The following RASEF variants were observed in gnomAD, a reference collection of about 807,000 sequenced individuals.
RASEF encodes the protein RAS and EF-hand domain containing, also known as ras and EF-hand domain-containing protein.
In RASEF, 68 loss-of-function variants were observed where a neutral mutation model predicts 90.1. That is an observed-to-expected ratio of 0.75 (90% CI 0.62 to 0.92). RASEF has a LOEUF of 0.92. Among genes scored for constraint, RASEF ranks in the 40% least tolerant of loss-of-function variants. The pLI, the probability that RASEF is intolerant of heterozygous loss-of-function variation, is 0.00. For missense variants in RASEF, 949 were observed against 937.2 expected, an observed-to-expected ratio of 1.01 and a Z score of -0.16; for synonymous variants, 331 against 345.2, an observed-to-expected ratio of 0.96 and a Z score of 0.46.
At chr9:83,018,189 G>T (rs1829377909) in intron 3 of RASEF, among the ~76,000 whole-genome samples, 1 of 148,762 alleles carries the variant, frequency 6.7e-6, no homozygotes, top group Non-Finnish European at 1.5e-5. Context: ...AAAATAAAAT[G>T]TTTTTATTAA....
intron 6 of RASEF, among the ~76,000 whole-genome samples, chr9:83,008,544 C>G (rs1368656796): frequency 6.6e-6 from 1 of 151,956 alleles, no homozygotes; most frequent in Admixed American, 6.6e-5. Context: ...CCCTGTCTCA[C>G]CAGATGTTCT....
intron 1 of RASEF, among the ~76,000 whole-genome samples, chr9:83,034,136 C>T (rs942358012): frequency 6.6e-6 from 1 of 152,210 alleles, no homozygotes; most frequent in African/African-American, 2.4e-5. Context: ...GTCTTGCTTT[C>T]TAGACAGGAT....
the RASEF span, among the ~76,000 whole-genome samples, chr9:83,115,394 A>G: frequency 6.6e-6 from 1 of 152,238 alleles, no homozygotes; most frequent in African/African-American, 2.4e-5. Flanking sequence ...AAAACCAAGT[A>G]ATCAAAGATA....
chr9:83,056,318 C>G (rs1435765868), intron 1 of RASEF, among the ~76,000 whole-genome samples: 1 of 152,208 alleles, frequency 6.6e-6, no homozygotes, highest in African/African-American at 2.4e-5. Context: ...CAAGTGTTTA[C>G]TTTCCATTTT....
chr9:83,164,162 A>G, the RASEF span, among the ~76,000 whole-genome samples: 3 of 151,338 alleles, frequency 2.0e-5, no homozygotes, highest in Admixed American at 2.0e-4. Flanking sequence ...AATAGAGAGA[A>G]GGAAAATTGT....
At chr9:83,024,230 G>A (rs2118568638) in intron 2 of RASEF, among the ~76,000 whole-genome samples, 1 of 152,328 alleles carries the variant, frequency 6.6e-6, no homozygotes, top group South Asian at 2.1e-4. Flanking sequence ...GCACAGAAGG[G>A]AGTGGATGGG....
At chr9:83,002,455 G>A (rs1829058382) in intron 9 of RASEF, among the ~76,000 whole-genome samples, 1 of 151,574 alleles carries the variant, frequency 6.6e-6, no homozygotes, top group East Asian at 1.9e-4. Context: ...GTGTGCGTGT[G>A]TGTGTTAATA....
At chr9:83,213,024 T>G in the RASEF span, among the ~76,000 whole-genome samples, 1 of 151,696 alleles carries the variant, frequency 6.6e-6, no homozygotes, top group Non-Finnish European at 1.5e-5. Flanking sequence ...AGTGATAAAT[T>G]ATTAGAACAC....
At chr9:83,009,974 T>G (rs1829210464) in intron 5 of RASEF, among the ~76,000 whole-genome samples, 1 of 152,226 alleles carries the variant, frequency 6.6e-6, no homozygotes, top group South Asian at 2.1e-4. Context: ...CATTCTTCAT[T>G]TTTTTATGCT....
the RASEF span, among the ~76,000 whole-genome samples, chr9:83,198,122 G>A: frequency 1.2e-4 from 18 of 152,004 alleles, no homozygotes; most frequent in Admixed American, 6.6e-4. Flanking sequence ...TTAAGAGACC[G>A]CAGCTCATTA....
the RASEF span, among the ~76,000 whole-genome samples, chr9:83,197,843 C>T: frequency 6.6e-6 from 1 of 152,200 alleles, no homozygotes; most frequent in African/African-American, 2.4e-5. Context: ...ACAGCATAAG[C>T]ACCGGGATAA....
the RASEF span, among the ~76,000 whole-genome samples, chr9:83,218,305 A>G: frequency 6.6e-6 from 1 of 151,902 alleles, no homozygotes; most frequent in Non-Finnish European, 1.5e-5. Context: ...ATAGATGGTA[A>G]CTCTTTTGGG....
intron 2 of RASEF, among the ~76,000 whole-genome samples, 174 bp from the exon 3 acceptor site, chr9:83,022,600 T>C (rs577722249): frequency 1.8e-4 from 28 of 152,330 alleles, no homozygotes; most frequent in African/African-American, 6.5e-4. Context: ...AATTCGACCA[T>C]TTTGGTGTAA....
At chr9:83,102,447 T>TACACATGTC in the RASEF span, among the ~76,000 whole-genome samples, 1 of 152,222 alleles carries the variant, frequency 6.6e-6, no homozygotes, top group African/African-American at 2.4e-5. Flanking sequence ...GTTGCTGCCG[T>TACACATGTC]ACACATGTCT....
intron 1 of RASEF, among the ~76,000 whole-genome samples, chr9:83,043,234 CTG>C (rs1829870635): frequency 6.6e-6 from 1 of 152,172 alleles, no homozygotes; most frequent in South Asian, 2.1e-4. Flanking sequence ...TATTTTCACA[CTG>C]TGGAATAGAC....
chr9:83,191,233 T>C, the RASEF span, among the ~76,000 whole-genome samples: 1 of 152,202 alleles, frequency 6.6e-6, no homozygotes, highest in African/African-American at 2.4e-5. Flanking sequence ...CTGTGACAAG[T>C]CTGCAGATTT....
rs536098072 is a variant in RASEF, at chr9:83,055,550, C to T, written c.431+6887G>A. 8.9e-5 allele frequency: 63 copies of T among 709,356 alleles called. No individual in the cohort carries two copies. The East Asian group carries it at 1.2e-3, about 14-fold the overall frequency. The allele number at this position is 709,356 out of a possible 1,614,324, so 43.9% of individuals were successfully genotyped here. ...GCTGTAGACCGGAGCTGTTCCTATT[C>T]GGCCATCTTGGCTCCTCCCTCCTCG... On this transcript the variant is annotated intron_variant, in intron 1 of 16. Transcript: ENST00000376447.
At position 83,038,491 on chromosome 9, in the gene RASEF, A is replaced by G. The variant is rs529638593; in HGVS notation, c.432-12570T>C. ...CAATATTATAGAAAAAATTAAGAAT[A>G]CGACCACATTGAACGAAGATGTATT... is the stretch of plus-strand genomic sequence containing the variant. On this transcript the variant is annotated intron_variant, in intron 1 of 16. Transcript: ENST00000376447. Among the ~76,000 whole-genome samples, 104 of 152,312 alleles carry G rather than the reference A, an allele frequency of 6.8e-4. 1 individual carries two copies. Among genetic ancestry groups the G allele is most frequent in the African/African-American group, 2.3e-3 (97 of 41,598 alleles).
chr9:82,987,674 C>T (rs1828733474), intron 16 of RASEF, among the ~76,000 whole-genome samples: 1 of 152,064 alleles, frequency 6.6e-6, no homozygotes, highest in Non-Finnish European at 1.5e-5. Flanking sequence ...TAATATGACC[C>T]CATAAGACAA....
Sources: allele counts gnomAD v4.1 joint callset (sites outside exome capture counted in the v4.1 genomes callset), GRCh38; gene constraint gnomAD v4.1.1; transcripts MANE v1.5; gene names NCBI Gene and HGNC (gene_info 2026-07-23, HGNC 2026-07-21).